The following PABPC4L variants were observed in gnomAD, a reference collection of about 807,000 sequenced individuals.
PABPC4L encodes poly(A) binding protein cytoplasmic 4 like.
For synonymous variants in PABPC4L, 169 were observed against 164.1 expected, an observed-to-expected ratio of 1.03 and a Z score of -0.23; for missense variants, 452 against 451.4, an observed-to-expected ratio of 1.00 and a Z score of -0.01.
At chr4:134,189,423 CATGGTATAT>C in the PABPC4L span, among the ~76,000 whole-genome samples, 3 of 151,240 alleles carry the variant, frequency 2.0e-5, no homozygotes, top group African/African-American at 7.3e-5. Flanking sequence ...CACACATATA[CATGGTATAT>C]ATGGTATATA....
the PABPC4L span, among the ~76,000 whole-genome samples, chr4:134,155,072 A>G: frequency 1.3e-5 from 2 of 152,104 alleles, no homozygotes; most frequent in Non-Finnish European, 2.9e-5. Context: ...ATGACAATTC[A>G]TATGGCACAA....
chr4:134,108,244 T>C, the PABPC4L span, among the ~76,000 whole-genome samples: 1 of 151,732 alleles, frequency 6.6e-6, no homozygotes, highest in Non-Finnish European at 1.5e-5. Flanking sequence ...CTGATAAAAA[T>C]GTTCCATACT....
At chr4:134,124,173 A>T in the PABPC4L span, among the ~76,000 whole-genome samples, 1 of 152,078 alleles carries the variant, frequency 6.6e-6, no homozygotes, top group East Asian at 1.9e-4. Context: ...TAATCATGCA[A>T]ATTGGGTTTT....
Position 134,200,615 on chromosome 4 carries a change from G to C in PABPC4L, c.405C>G (p.Gly135=), listed in dbSNP as rs944491051. The C allele has an allele frequency of 1.3e-6, 2 of 1,551,612 alleles. No homozygotes were observed. Among genetic ancestry groups the C allele is most frequent in the Non-Finnish European group, 1.7e-6 (2 of 1,146,974 alleles). ...LSSKVMSDDQ[G]SKGYAFVHFQ... is the part of the protein sequence containing the mutation. ...AGTGCACAAATGCATAGCCCTTGGA[G>C]CCTTGATCATCACTCATCACCTTGG... Residue 135 remains glycine (G), a synonymous_variant, in exon 2 of 2, where the codon GGC becomes GGG. Transcript: ENST00000421491.
At chr4:134,094,231 T>TA in the PABPC4L span, among the ~76,000 whole-genome samples, 3,783 of 152,068 alleles carry the variant, frequency 0.025, 132 homozygotes, top group African/African-American at 0.085. Flanking sequence ...TAGTCCTTAA[T>TA]TTTTTCCATA....
chr4:134,008,429 T>G, the PABPC4L span, among the ~76,000 whole-genome samples: 1 of 151,664 alleles, frequency 6.6e-6, no homozygotes, highest in Non-Finnish European at 1.5e-5. Flanking sequence ...ATGCACACAA[T>G]GTGTCCAAAG....
At chr4:134,076,980 T>C in the PABPC4L span, among the ~76,000 whole-genome samples, 2 of 152,180 alleles carry the variant, frequency 1.3e-5, no homozygotes, top group African/African-American at 4.8e-5. Flanking sequence ...TATTGCTCTA[T>C]AGAACATTTT....
chr4:134,090,768 A>AT, the PABPC4L span, among the ~76,000 whole-genome samples: 9 of 152,048 alleles, frequency 5.9e-5, no homozygotes, highest in East Asian at 1.9e-4. Flanking sequence ...GTCTCAAAAA[A>AT]AAAAATAAAA....
the PABPC4L span, among the ~76,000 whole-genome samples, chr4:134,175,141 C>T: frequency 2.1e-4 from 32 of 152,182 alleles, no homozygotes; most frequent in African/African-American, 7.0e-4. Flanking sequence ...TATAATTCCA[C>T]GCATATCCAT....
At chr4:134,178,181 T>G in the PABPC4L span, among the ~76,000 whole-genome samples, 11 of 151,846 alleles carry the variant, frequency 7.2e-5, no homozygotes, top group African/African-American at 2.7e-4. Flanking sequence ...TATAGCTTGT[T>G]CGCTAACTCA....
chr4:133,987,902 G>A, the PABPC4L span, among the ~76,000 whole-genome samples: 1 of 152,232 alleles, frequency 6.6e-6, no homozygotes, highest in South Asian at 2.1e-4. Flanking sequence ...AGCACTGCAG[G>A]GCTAGGGAGG....
the PABPC4L span, among the ~76,000 whole-genome samples, chr4:134,104,931 G>C: frequency 6.6e-6 from 1 of 151,772 alleles, no homozygotes; most frequent in Non-Finnish European, 1.5e-5. Flanking sequence ...CATTACCGGT[G>C]TGCTCTCATG....
At chr4:133,981,788 C>G in the PABPC4L span, among the ~76,000 whole-genome samples, 2 of 151,940 alleles carry the variant, frequency 1.3e-5, no homozygotes, top group Non-Finnish European at 2.9e-5. Context: ...TACTTTTCAT[C>G]AATGTTCTGG....
the PABPC4L span, among the ~76,000 whole-genome samples, chr4:133,997,405 G>A: frequency 5.9e-5 from 9 of 151,672 alleles, no homozygotes; most frequent in African/African-American, 1.9e-4. Context: ...TCATGAAGAT[G>A]TACAATAAGA....
the PABPC4L span, among the ~76,000 whole-genome samples, chr4:134,036,306 T>A: frequency 6.6e-6 from 1 of 152,226 alleles, no homozygotes; most frequent in African/African-American, 2.4e-5. Flanking sequence ...TTTAAACAAA[T>A]TTAGTTATTT....
chr4:134,183,207 A>G, the PABPC4L span, among the ~76,000 whole-genome samples: 1 of 151,950 alleles, frequency 6.6e-6, no homozygotes. Flanking sequence ...AATCCACCCA[A>G]ATGCTCATCA....
chr4:134,168,268 G>T, the PABPC4L span, among the ~76,000 whole-genome samples: 1 of 151,806 alleles, frequency 6.6e-6, no homozygotes, highest in Non-Finnish European at 1.5e-5. Flanking sequence ...ATGGGATACA[G>T]AAAAAGCAGT....
the PABPC4L span, among the ~76,000 whole-genome samples, chr4:134,150,190 C>G: frequency 6.6e-6 from 1 of 151,074 alleles, no homozygotes; most frequent in Non-Finnish European, 1.5e-5. Context: ...TCAAGCGATT[C>G]TCCCTGCCTC....
the PABPC4L span, among the ~76,000 whole-genome samples, chr4:133,954,884 A>G: frequency 1.9e-3 from 284 of 152,236 alleles, no homozygotes; most frequent in African/African-American, 6.5e-3. Flanking sequence ...CAGGAGAGAA[A>G]GATGGAGAAT....
Sources: gnomAD v4.1 joint callset for allele counts (sites outside exome capture counted in the v4.1 genomes callset) on GRCh38, gnomAD v4.1.1 for gene constraint, MANE v1.5 for transcripts, NCBI Gene and HGNC (gene_info 2026-07-23, HGNC 2026-07-21) for gene names.